AGO4: variants seen among roughly 807,000 people sequenced by gnomAD.
AGO4 encodes the protein argonaute RISC component 4.
Under a neutral mutation model 104.7 loss-of-function variants are expected in AGO4, and 33 were observed. The observed-to-expected ratio is 0.32, with a 90% CI of 0.24 to 0.42. The LOEUF is 0.42. Ranked by LOEUF, AGO4 falls within the 10% of genes least tolerant of loss-of-function variation. AGO4 has a pLI of 1.00. For synonymous variants in AGO4, 331 were observed against 364.7 expected, an observed-to-expected ratio of 0.91 and a Z score of 1.05; for missense variants, 711 against 1,083.4, an observed-to-expected ratio of 0.66 and a Z score of 4.83.
At chr1:35,842,862 AT>A (rs1644478658) in intron 15 of AGO4, among the ~76,000 whole-genome samples, 1 of 152,198 alleles carries the variant, frequency 6.6e-6, no homozygotes, top group Admixed American at 6.5e-5. Context: ...CAGGTAGAGA[AT>A]GCCCAACCTA....
intron 11 of AGO4, 111 bp downstream of exon 11, chr1:35,832,681 A>G: frequency 7.4e-7 from 1 of 1,343,302 alleles, no homozygotes; most frequent in East Asian, 2.4e-5. Flanking sequence ...TCCCATAGTG[A>G]CACCATCTGG....
intron 2 of AGO4, among the ~76,000 whole-genome samples, chr1:35,817,401 T>C (rs1643745220): frequency 6.8e-6 from 1 of 147,136 alleles, no homozygotes; most frequent in South Asian, 2.1e-4. Flanking sequence ...GTTTTGGACA[T>C]GAGAAAGATG....
upstream of AGO4, among the ~76,000 whole-genome samples, chr1:35,807,938 G>A (rs556718818): frequency 6.6e-6 from 1 of 152,008 alleles, no homozygotes; most frequent in Admixed American, 6.5e-5. Context: ...CGGCCTCCTC[G>A]GGTGGACGGG....
chr1:35,841,745 GAA>G lies in AGO4; in HGVS notation c.2172_2173del (p.Arg725GlyfsTer15), dbSNP rs774625201. ...ACGACTCTTCTGTGCAGATAAAACA[GAA>G]AGGGTAAGAAGATATAATATAAGCT... ...HTRLFCADKT[E>X]RVGKSGNVPA... On this transcript the variant is annotated frameshift_variant, in exon 15 of 18. Transcript: ENST00000373210. LOFTEE classifies it high-confidence loss of function. This position sits in a 1 kb window ranked among gnomAD's most constrained non-coding sequence, Gnocchi z 4.7. 6.2e-7 allele frequency: 1 copy of G among 1,613,000 alleles called. No individual in the cohort carries two copies. The highest frequency in any genetic ancestry group is 8.5e-7 in the Non-Finnish European group (1 of 1,179,556).
At chr1:35,853,361 T>C (rs1644751947) in intron 17 of AGO4, 136 bp from the exon 18 acceptor site, 1 of 586,194 alleles carries the variant, frequency 1.7e-6, no homozygotes, top group East Asian at 3.0e-5. Flanking sequence ...AATCTAGTAC[T>C]GTTTGTGCTA....
chr1:35,832,412 C>T, intron 10 of AGO4, 25 bp from the exon 11 acceptor site: 5 of 1,534,012 alleles, frequency 3.3e-6, no homozygotes, highest in South Asian at 1.2e-5. Flanking sequence ...TCTTCTTCTT[C>T]TTCTTCTTTT....
chr1:35,843,661 A>C (rs1644501226), intron 15 of AGO4, among the ~76,000 whole-genome samples: 2 of 149,526 alleles, frequency 1.3e-5, no homozygotes. Context: ...TATGCTGTGA[A>C]AAAAAAAATA....
At chr1:35,848,498 C>T (rs534851100) in intron 15 of AGO4, among the ~76,000 whole-genome samples, 5 of 152,288 alleles carry the variant, frequency 3.3e-5, no homozygotes, top group Non-Finnish European at 4.4e-5. Context: ...CTTGATGCCC[C>T]TGGCTGTCAT....
At chr1:35,851,146 C>A in intron 17 of AGO4, 93 bp downstream of exon 17, 1 of 1,256,246 alleles carries the variant, frequency 8.0e-7, no homozygotes, top group Non-Finnish European at 1.1e-6. Flanking sequence ...AGGATTTAAA[C>A]TTTCAGAGTT....
intron 15 of AGO4, among the ~76,000 whole-genome samples, chr1:35,845,416 A>G (rs1644549189): frequency 6.6e-6 from 1 of 151,984 alleles, no homozygotes; most frequent in Non-Finnish European, 1.5e-5. Flanking sequence ...TATGTTGGCC[A>G]GACTGGTCTC....
rs1449513691 is a variant in AGO4 at position 35,835,830 on chromosome 1, G to T, written c.1565-4G>T. ...ATGTTAAAATTAATAAATTATTTTT[G>T]TAGCGGAGGTGAAACGTGTTGGAGA... On this transcript the variant is annotated splice_polypyrimidine_tract_variant and splice_region_variant and intron_variant, in intron 12 of 17. Transcript: ENST00000373210. 1 of 1,584,086 alleles carries T rather than the reference G, an allele frequency of 6.3e-7. No individual in the cohort carries two copies. The highest frequency in any genetic ancestry group is 1.2e-5 in the South Asian group (1 of 85,324).
intron 2 of AGO4, 79 bp from the exon 3 acceptor site, chr1:35,822,783 A>G (rs1643914718): frequency 1.9e-6 from 3 of 1,553,608 alleles, no homozygotes; most frequent in Non-Finnish European, 2.6e-6. Flanking sequence ...CCGAATTTAA[A>G]TGATTAAAGT....
Position 35,831,465 on chromosome 1 carries a change from G to T in AGO4, c.887G>T (p.Cys296Phe). The change falls in exon 8 of 18, where the codon TGT becomes TTT. Residue 296 changes from cysteine to phenylalanine, a missense_variant. Physicochemically the swap from Cys to Phe is radical, Grantham distance 205. This residue lies in a region of AGO4 where 308 missense variants were observed against 397.8 expected (regional missense o/e 0.77). Coordinates refer to ENST00000373210, the MANE Select transcript of AGO4 (RefSeq NM_017629.4). ...LQLENGQAME[C>F]TVAQYFKQKY... ...CTAGAAAACGGTCAAGCTATGGAAT[G>T]TACAGTAGCTCAATATTTTAAGCAA... The T allele has an allele frequency of 6.2e-7, 1 of 1,614,082 alleles. No homozygotes were observed. The highest frequency in any genetic ancestry group is 1.6e-4 in the Middle Eastern group (1 of 6,062).
Position 35,822,857 on chromosome 1 carries a change from T to C in AGO4, c.186-5T>C. ...CTAACTGCCATTATCTCCATTACTG[T>C]GAAGGGAGGTAGTAGATACAATGGT... On this transcript the variant is annotated splice_polypyrimidine_tract_variant and splice_region_variant and intron_variant, in intron 2 of 17. Transcript: ENST00000373210. 1 of 1,613,984 alleles carries C rather than the reference T, an allele frequency of 6.2e-7. No homozygotes were observed. The highest frequency in any genetic ancestry group is 8.5e-7 in the Non-Finnish European group (1 of 1,179,912).
intron 10 of AGO4, 116 bp from the exon 11 acceptor site, chr1:35,832,321 C>A: frequency 6.6e-7 from 1 of 1,504,932 alleles, no homozygotes; most frequent in Non-Finnish European, 8.9e-7. Context: ...CTGGCTCATA[C>A]CTAATAGAAT....
At chr1:35,838,058 T>G (rs996869775) in intron 13 of AGO4, among the ~76,000 whole-genome samples, 1 of 151,862 alleles carries the variant, frequency 6.6e-6, no homozygotes, top group African/African-American at 2.4e-5. Flanking sequence ...ATTTATTTAT[T>G]TATGTATTTA....
chr1:35,833,969 T>A (rs370074852), intron 11 of AGO4, 21 bp from the exon 12 acceptor site: 9 of 1,452,596 alleles, frequency 6.2e-6, no homozygotes, highest in Admixed American at 2.3e-5. Context: ...AAAAACCGTG[T>A]TACTGGTTCT....
chr1:35,817,107 C>T (rs1643735240), intron 2 of AGO4, 60 bp downstream of exon 2: 2 of 1,447,624 alleles, frequency 1.4e-6, no homozygotes, highest in Admixed American at 2.2e-5. Context: ...ATTTATGTAT[C>T]ATATTGTTCT....
At chr1:35,850,329 T>TCGACTTGTTATTTAACAC in intron 16 of AGO4, 71 bp downstream of exon 16, 1 of 1,156,374 alleles carries the variant, frequency 8.6e-7, no homozygotes, top group Non-Finnish European at 1.3e-6. Flanking sequence ...CTAGCTTGAG[T>TCGACTTGTTATTTAACAC]CGACTTGTTA....
Sources: allele counts gnomAD v4.1 joint callset (sites outside exome capture counted in the v4.1 genomes callset), GRCh38; gene constraint gnomAD v4.1.1; regional missense constraint gnomAD v4.1.1; non-coding constraint Gnocchi (gnomAD v3.1); transcripts MANE v1.5; gene names NCBI Gene and HGNC (gene_info 2026-07-23, HGNC 2026-07-21).